ABAT: variants seen among roughly 807,000 people sequenced by gnomAD.
The protein encoded by ABAT is 4-aminobutyrate aminotransferase, mitochondrial.
A neutral mutation model predicts 64.6 loss-of-function variants in ABAT; 45 were observed. The observed-to-expected ratio is 0.70, with a 90% confidence interval of 0.55 to 0.89. ABAT has a LOEUF of 0.89. Ranked by LOEUF, ABAT falls within the 40% of genes least tolerant of loss-of-function variation. The probability of loss-of-function intolerance (pLI) is 0.00; values close to 1 mark genes in which losing one functional copy is unlikely to be tolerated. For synonymous variants in ABAT, 297 were observed against 250.5 expected, an observed-to-expected ratio of 1.19 and a Z score of -1.75; for missense variants, 633 against 658.4, an observed-to-expected ratio of 0.96 and a Z score of 0.42.
In ABAT at chr16:8,736,095, C is replaced by A. The variant is rs529521002; in HGVS notation, c.70+286C>A. On this transcript the variant is annotated intron_variant, in intron 2 of 15. Transcript: ENST00000268251. ...AGGAACAAAGGCACGTCTTACATGG[C>A]TACAGGCAAGAGAGCATGTGCAGGG... 5 of 452,590 alleles carry A rather than the reference C, an allele frequency of 1.1e-5. No individual in the cohort carries two copies. In the Admixed American group the frequency reaches 1.4e-4, roughly 12 times the overall value. 28.0% of individuals were successfully genotyped at this position (452,590 alleles called of 1,614,324 possible).
At chr16:8,752,855 G>T (rs768010887) in intron 5 of ABAT, among the ~76,000 whole-genome samples, 2 of 152,158 alleles carry the variant, frequency 1.3e-5, no homozygotes, top group South Asian at 2.1e-4. Context: ...TCTTTGAAAA[G>T]ATTTTTTTAA....
At chr16:8,729,816 C>T (rs1430372692) in intron 1 of ABAT, among the ~76,000 whole-genome samples, 1 of 109,308 alleles carries the variant, frequency 9.1e-6, no homozygotes, top group Non-Finnish European at 1.8e-5. Context: ...TTTGTCTAGC[C>T]CTTTTTTGTC....
intron 15 of ABAT, among the ~76,000 whole-genome samples, chr16:8,779,915 T>C (rs2060383305): frequency 6.6e-6 from 1 of 152,180 alleles, no homozygotes; most frequent in Admixed American, 6.5e-5. Flanking sequence ...ACACATGGCA[T>C]TTCACAACCA....
At chr16:8,769,825 CT>C (rs968604760) in intron 11 of ABAT, among the ~76,000 whole-genome samples, 1 of 152,116 alleles carries the variant, frequency 6.6e-6, no homozygotes, top group Admixed American at 6.5e-5. Flanking sequence ...TGGAAGTAAT[CT>C]GCAGCTGGAA....
At chr16:8,779,435 C>G (rs760035597) in intron 14 of ABAT, 44 bp from the exon 15 acceptor site, 4 of 1,530,694 alleles carry the variant, frequency 2.6e-6, no homozygotes, top group East Asian at 4.5e-5. Context: ...AGCTGGTACA[C>G]AGGTGATGGG....
At chr16:8,714,283 C>G (rs2058149200) in intron 1 of ABAT, among the ~76,000 whole-genome samples, 1 of 152,200 alleles carries the variant, frequency 6.6e-6, no homozygotes, top group Non-Finnish European at 1.5e-5. Context: ...CTAAATAAAT[C>G]CTTTCCCTTC....
intron 4 of ABAT, among the ~76,000 whole-genome samples, chr16:8,749,560 G>A (rs145890473): frequency 0.027 from 4,027 of 150,688 alleles, 170 homozygotes; most frequent in African/African-American, 0.092. Context: ...CACTATGCCC[G>A]GCTAATTTTT....
intron 15 of ABAT, 40 bp downstream of exon 15, chr16:8,779,630 C>T (rs1313675707): frequency 1.3e-6 from 2 of 1,535,246 alleles, no homozygotes; most frequent in African/African-American, 2.7e-5. Flanking sequence ...CATGAGCATC[C>T]AGTATCTCCT....
At chr16:8,755,914 T>A (rs1044080056) in intron 5 of ABAT, among the ~76,000 whole-genome samples, 1 of 152,054 alleles carries the variant, frequency 6.6e-6, no homozygotes, top group African/African-American at 2.4e-5. Context: ...CCAGGCGTGG[T>A]GATGGGCGCC....
At chr16:8,703,171 G>T (rs370962547) in intron 1 of ABAT, among the ~76,000 whole-genome samples, 1 of 152,126 alleles carries the variant, frequency 6.6e-6, no homozygotes, top group East Asian at 1.9e-4. Context: ...TAAGGGCCGG[G>T]TGCAGTGGCT....
chr16:8,764,258 C>A lies in ABAT; in HGVS notation c.447+109C>A. 1 of 956,754 alleles carries A rather than the reference C, an allele frequency of 1.0e-6. No homozygotes were observed. Among genetic ancestry groups the A allele is most frequent in the South Asian group, 1.3e-5 (1 of 74,344 alleles). The allele number at this position is 956,754 out of a possible 1,614,324, so 59.3% of individuals were successfully genotyped here. ...ATAAGGTGTTGCTACAGAAATCTTT[C>A]TCTCTGAGCTTATTCTTCCATGCAG... On this transcript the variant is annotated intron_variant, in intron 7 of 15. Transcript: ENST00000268251. The surrounding 1 kb of genome is among the most constrained non-coding windows in gnomAD (Gnocchi z 4.2).
intron 5 of ABAT, chr16:8,757,393 C>G (rs1421681394): frequency 2.8e-6 from 1 of 358,946 alleles, no homozygotes; most frequent in Non-Finnish European, 5.4e-6. Context: ...GTCTGGAACT[C>G]CTGACCTCAA....
intron 1 of ABAT, among the ~76,000 whole-genome samples, chr16:8,684,094 G>T (rs2141929528): frequency 6.6e-6 from 1 of 152,280 alleles, no homozygotes; most frequent in South Asian, 2.1e-4. Flanking sequence ...GAAGGTGTGT[G>T]GGAGTGAATA....
intron 14 of ABAT, among the ~76,000 whole-genome samples, chr16:8,777,376 A>G (rs1405239885): frequency 2.6e-5 from 4 of 151,952 alleles, no homozygotes; most frequent in Non-Finnish European, 5.9e-5. Context: ...CTCTACCCTC[A>G]AGGTTTCGTC....
intron 5 of ABAT, among the ~76,000 whole-genome samples, chr16:8,756,373 C>A (rs771787330): frequency 6.6e-6 from 1 of 152,120 alleles, no homozygotes; most frequent in Admixed American, 6.5e-5. Context: ...TATTAATTAA[C>A]GTCAAACATT....
At chr16:8,680,481 A>G (rs1018378687) in intron 1 of ABAT, among the ~76,000 whole-genome samples, 3 of 152,120 alleles carry the variant, frequency 2.0e-5, no homozygotes, top group Non-Finnish European at 4.4e-5. Flanking sequence ...GCTGGAGTGC[A>G]GTGGTGTGAT....
chr16:8,768,146 C>T (rs760745761), intron 9 of ABAT, 47 bp from the exon 10 acceptor site: 7 of 1,578,774 alleles, frequency 4.4e-6, no homozygotes, highest in Middle Eastern at 1.7e-4. Flanking sequence ...AATACAGTTC[C>T]CCCATCCTTA....
chr16:8,731,193 C>T (rs995033577), intron 1 of ABAT, among the ~76,000 whole-genome samples: 1 of 152,142 alleles, frequency 6.6e-6, no homozygotes, highest in Non-Finnish European at 1.5e-5. Context: ...GAACTCCTGA[C>T]CTCAAGTGAT....
intron 1 of ABAT, among the ~76,000 whole-genome samples, chr16:8,695,795 G>A (rs2057688451): frequency 6.6e-6 from 1 of 152,208 alleles, no homozygotes; most frequent in Non-Finnish European, 1.5e-5. Context: ...AGTTTTCAGT[G>A]GAAACTGAAC....
Sources: gnomAD v4.1 joint callset for allele counts (sites outside exome capture counted in the v4.1 genomes callset) on GRCh38, gnomAD v4.1.1 for gene constraint, Gnocchi (gnomAD v3.1) non-coding constraint, MANE v1.5 for transcripts, NCBI Gene and HGNC (gene_info 2026-07-23, HGNC 2026-07-21) for gene names.